EPHB1: variants seen among roughly 807,000 people sequenced by gnomAD.
EPHB1 encodes the protein EPH receptor B1, also known as ephrin type-B receptor 1.
EPHB1 carries 30 observed loss-of-function variants against 94.4 expected under a neutral mutation model. The observed-to-expected ratio is 0.32, with a 90% CI of 0.24 to 0.43. The LOEUF (loss-of-function observed/expected upper bound fraction) is 0.43. EPHB1 is among the 20% of genes least tolerant of loss of function. The probability of loss-of-function intolerance (pLI) is 1.00; values close to 1 mark genes in which losing one functional copy is unlikely to be tolerated. For synonymous variants in EPHB1, 522 were observed against 489.1 expected (o/e 1.07, Z -0.89); for missense variants, 1,055 against 1,308.3 (o/e 0.81, Z 2.99).
chr3:134,943,753 T>G (rs2039165297), intron 2 of EPHB1, among the ~76,000 whole-genome samples: 2 of 152,220 alleles, frequency 1.3e-5, no homozygotes, highest in South Asian at 4.2e-4. Context: ...CATGTTTGAT[T>G]GAATGAATGA....
intron 3 of EPHB1, among the ~76,000 whole-genome samples, chr3:135,031,215 A>G (rs1336611729): frequency 1.3e-5 from 2 of 152,168 alleles, no homozygotes; most frequent in Non-Finnish European, 2.9e-5. Flanking sequence ...TGTAGACTGG[A>G]GCTGTTCCTA....
intron 3 of EPHB1, among the ~76,000 whole-genome samples, chr3:135,047,457 GTCT>G (rs758091830): frequency 9.2e-5 from 14 of 152,256 alleles, no homozygotes; most frequent in Non-Finnish European, 1.9e-4. Flanking sequence ...GCATCTGCAG[GTCT>G]TCTTGTTAAT....
chr3:135,086,943 C>G (rs1938382882), intron 3 of EPHB1, among the ~76,000 whole-genome samples: 1 of 152,130 alleles, frequency 6.6e-6, no homozygotes, highest in Non-Finnish European at 1.5e-5. Context: ...TTTTTGCCTC[C>G]AGCATGCTTT....
intron 15 of EPHB1, among the ~76,000 whole-genome samples, chr3:135,256,988 C>T (rs1386860743): frequency 7.1e-6 from 1 of 141,814 alleles, no homozygotes; most frequent in East Asian, 2.0e-4. Context: ...TGCTGATACC[C>T]TTTCTTCCAG....
intron 3 of EPHB1, among the ~76,000 whole-genome samples, chr3:134,974,356 A>T (rs1233046568): frequency 1.3e-5 from 2 of 152,148 alleles, no homozygotes; most frequent in Non-Finnish European, 2.9e-5. Flanking sequence ...TAGCTGTATG[A>T]CCTTGGGGTA....
intron 3 of EPHB1, among the ~76,000 whole-genome samples, chr3:135,082,832 A>G (rs1202210566): frequency 6.6e-6 from 1 of 152,212 alleles, no homozygotes; most frequent in Non-Finnish European, 1.5e-5. Context: ...TTGTCTAGGT[A>G]CTGGCAGGCT....
At chr3:135,200,983 A>G (rs142259228) in intron 11 of EPHB1, among the ~76,000 whole-genome samples, 1 of 152,234 alleles carries the variant, frequency 6.6e-6, no homozygotes, top group East Asian at 1.9e-4. Flanking sequence ...TACATTAGTG[A>G]TGGGTATGGT....
At chr3:134,879,205 G>A (rs1200771458) in intron 1 of EPHB1, among the ~76,000 whole-genome samples, 2 of 152,126 alleles carry the variant, frequency 1.3e-5, no homozygotes, top group African/African-American at 4.8e-5. Flanking sequence ...CTGGCTAGAG[G>A]CAGCACAGAA....
At chr3:134,981,460 A>T (rs1303426160) in intron 3 of EPHB1, among the ~76,000 whole-genome samples, 2 of 152,192 alleles carry the variant, frequency 1.3e-5, no homozygotes, top group African/African-American at 4.8e-5. Context: ...TTCAGAAGTG[A>T]CACATATTAC....
intron 3 of EPHB1, among the ~76,000 whole-genome samples, chr3:135,002,255 T>C (rs1207693069): frequency 6.6e-6 from 1 of 152,202 alleles, no homozygotes; most frequent in African/African-American, 2.4e-5. Flanking sequence ...GGGCATTTAT[T>C]GATTTGCATA....
chr3:135,254,461 A>C (rs1408889895), intron 15 of EPHB1, among the ~76,000 whole-genome samples: 2 of 139,366 alleles, frequency 1.4e-5, no homozygotes, highest in Non-Finnish European at 3.1e-5. Context: ...TTCTGCATCT[A>C]TTGAGATAAT....
chr3:135,181,879 G>T (rs1576451210), intron 10 of EPHB1, among the ~76,000 whole-genome samples: 1 of 152,168 alleles, frequency 6.6e-6, no homozygotes, highest in East Asian at 1.9e-4. Context: ...AGAAGGTTCA[G>T]TCTTCTCCAT....
chr3:135,128,484 C>T (rs73218226), intron 4 of EPHB1, among the ~76,000 whole-genome samples: 20,570 of 152,238 alleles, frequency 0.14, 1,495 homozygotes, highest in Middle Eastern at 0.21. Flanking sequence ...CAGGATGCTA[C>T]GGCACAGACA....
At chr3:134,880,298 C>T (rs1215902943) in intron 1 of EPHB1, among the ~76,000 whole-genome samples, 1 of 152,178 alleles carries the variant, frequency 6.6e-6, no homozygotes, top group African/African-American at 2.4e-5. Context: ...AGTGTTCCTT[C>T]AAGACACTTC....
intron 13 of EPHB1, among the ~76,000 whole-genome samples, chr3:135,244,147 C>T (rs1377949427): frequency 6.6e-6 from 1 of 152,216 alleles, no homozygotes; most frequent in Admixed American, 6.5e-5. Context: ...TGGGGTCAGA[C>T]TACCTGCACC....
chr3:135,073,159 T>C (rs1937785352), intron 3 of EPHB1, among the ~76,000 whole-genome samples: 1 of 152,114 alleles, frequency 6.6e-6, no homozygotes, highest in African/African-American at 2.4e-5. Flanking sequence ...TTCTACTATT[T>C]GAGTATTTTC....
At chr3:135,061,426 C>T (rs894079014) in intron 3 of EPHB1, among the ~76,000 whole-genome samples, 3 of 141,258 alleles carry the variant, frequency 2.1e-5, no homozygotes, top group Non-Finnish European at 3.0e-5. Flanking sequence ...TTTGCATCCT[C>T]ATGGCTTAGC....
chr3:135,007,154 G>A (rs914915741), intron 3 of EPHB1, among the ~76,000 whole-genome samples: 1 of 152,154 alleles, frequency 6.6e-6, no homozygotes, highest in Non-Finnish European at 1.5e-5. Flanking sequence ...ACTTTATCAT[G>A]TGATTCATAG....
intron 1 of EPHB1, among the ~76,000 whole-genome samples, chr3:134,889,759 G>C (rs9874607): frequency 0.45 from 68,205 of 151,170 alleles, 15,711 homozygotes; most frequent in Non-Finnish European, 0.49. Context: ...CTTGCTGCAA[G>C]CGCCGCCTTC....
Sources: gnomAD v4.1 joint callset for allele counts (sites outside exome capture counted in the v4.1 genomes callset) on GRCh38, gnomAD v4.1.1 for gene constraint, MANE v1.5 for transcripts, NCBI Gene and HGNC (gene_info 2026-07-23, HGNC 2026-07-21) for gene names.